PRPH2: variants seen among roughly 807,000 people sequenced by gnomAD.
PRPH2 encodes the protein peripherin-2.
Under a neutral mutation model 31.3 loss-of-function variants are expected in PRPH2, and 17 were observed. The observed-to-expected ratio is 0.54, with a 90% CI of 0.37 to 0.81. The LOEUF (loss-of-function observed/expected upper bound fraction) is 0.81. PRPH2 is among the 40% of genes least tolerant of loss of function. The pLI is 0.00. For missense variants in PRPH2, 430 were observed against 439.7 expected (o/e 0.98, Z 0.20); for synonymous variants, 165 against 184.4 (o/e 0.89, Z 0.85).
At chr6:42,719,481 A>T (rs949801283) in intron 1 of PRPH2, among the ~76,000 whole-genome samples, 1 of 151,164 alleles carries the variant, frequency 6.6e-6, no homozygotes, top group Non-Finnish European at 1.5e-5. Flanking sequence ...GCTTCAGTGG[A>T]CTTCTTATGC....
At chr6:42,714,468 A>G (rs1276004881) in intron 1 of PRPH2, among the ~76,000 whole-genome samples, 4 of 152,294 alleles carry the variant, frequency 2.6e-5, no homozygotes, top group Middle Eastern at 6.8e-3. Flanking sequence ...TGAATTGCAT[A>G]CTTTTAATGG....
chr6:42,710,776 C>T, intron 1 of PRPH2, among the ~76,000 whole-genome samples: 1 of 152,148 alleles, frequency 6.6e-6, no homozygotes, highest in East Asian at 1.9e-4. Flanking sequence ...GAAAAACCAA[C>T]ATAATTTAGT....
rs192307150 is a variant in PRPH2 at position 42,697,975 on chromosome 6, G to A, written c.*320C>T. The A allele has an allele frequency of 4.5e-5, 17 of 373,888 alleles. No individual in the cohort carries two copies. The highest frequency in any genetic ancestry group is 1.2e-4 in the East Asian group (2 of 17,380). 23.2% of individuals were successfully genotyped at this position (373,888 alleles called of 1,614,324 possible). ...GTGGCCATAGGGTGGGACTAAATCC[G>A]TGTGAGAAAGATGGGTCCTGGGCTA... On this transcript the variant is annotated 3_prime_UTR_variant, in exon 3 of 3. Coordinates refer to ENST00000230381, the MANE Select transcript of PRPH2 (RefSeq NM_000322.5).
Position 42,721,816 on chromosome 6 carries a change from G to A in PRPH2, c.519C>T (p.Asp173=). The change falls in exon 1 of 3, where the codon GAC becomes GAT. Residue 173 remains aspartate (D), a synonymous_variant. Coordinates refer to ENST00000230381, the MANE Select transcript of PRPH2 (RefSeq NM_000322.5). ...TGCTGATCCACTGAATCTCAAACCA[G>A]TCCCGAAAACCGTTGTTGCCGCAGC... The part of the protein sequence containing the change: ...FKCCGNNGFR[D]WFEIQWISNR... 4 of 1,614,198 alleles carry A rather than the reference G, an allele frequency of 2.5e-6. No homozygotes were observed. The South Asian group carries it at 4.4e-5, about 18-fold the overall frequency.
Position 42,722,083 on chromosome 6 carries a change from G to A in PRPH2, c.252C>T (p.Asp84=), listed in dbSNP as rs139936445. The change falls in exon 1 of 3, where the codon GAC becomes GAT. Residue 84 remains aspartate, a synonymous_variant. Transcript: ENST00000230381. This position sits in a 1 kb window ranked among gnomAD's most constrained non-coding sequence, Gnocchi z 4.4. The part of the protein sequence containing the change: ...FNSLAGKICY[D]ALDPAKYARW... ...TGGCATACTTGGCTGGGTCCAGGGC[G>A]TCGTAGCAGATCTTCCCAGCCAGCG... 208 of 1,614,174 alleles carry A rather than the reference G, an allele frequency of 1.3e-4. No individual in the cohort carries two copies. Among genetic ancestry groups the A allele is most frequent in the Admixed American group, 2.3e-4 (14 of 60,014 alleles).
chr6:42,698,768 C>A lies in PRPH2; in HGVS notation c.829-261G>T, dbSNP rs415906. Among the ~76,000 whole-genome samples the A allele has an allele frequency of 0.77, 117,394 of 151,784 alleles. 45,487 individuals carry two copies. The highest frequency in any genetic ancestry group is 0.86 in the East Asian group (4,385 of 5,118). The stretch of plus-strand genomic sequence containing the variant: ...GCTGCTTCGGATTCGCCCATGCCCC[C>A]TACTTTCTCCCCTCTAGGTCTTTAC... On this transcript the variant is annotated intron_variant, in intron 2 of 2. Coordinates refer to ENST00000230381, the MANE Select transcript of PRPH2 (RefSeq NM_000322.5).
intron 1 of PRPH2, among the ~76,000 whole-genome samples, chr6:42,705,472 C>G (rs1429650781): frequency 6.7e-6 from 1 of 149,306 alleles, no homozygotes; most frequent in Non-Finnish European, 1.5e-5. Flanking sequence ...TCTGTAATCC[C>G]AGCACTTTGT....
At chr6:42,711,859 A>G (rs1761650525) in intron 1 of PRPH2, 1 of 985,242 alleles carries the variant, frequency 1.0e-6, no homozygotes, top group Non-Finnish European at 1.2e-6. Flanking sequence ...CCTGGCTGGT[A>G]GTTCCTGGTT....
intron 2 of PRPH2, among the ~76,000 whole-genome samples, chr6:42,701,234 C>T: frequency 6.6e-6 from 1 of 152,070 alleles, no homozygotes; most frequent in Admixed American, 6.6e-5. Flanking sequence ...AAGCAATTCT[C>T]CTGCCTCAGC....
chr6:42,722,200 G>T lies in PRPH2; in HGVS notation c.135C>A (p.Leu45=). 1.9e-6 allele frequency: 3 copies of T among 1,614,168 alleles called. No homozygotes were observed. The highest frequency in any genetic ancestry group is 2.5e-6 in the Non-Finnish European group (3 of 1,180,044). The change falls in exon 1 of 3, where the codon CTC becomes CTA. Residue 45 remains leucine, a synonymous_variant. Transcript: ENST00000230381. This position sits in a 1 kb window ranked among gnomAD's most constrained non-coding sequence, Gnocchi z 4.4. ...TATTCATCACATCGCTCCTCTTTCG[G>T]AGTTCAATCTTCAGGAACAGTCCTA... ...FSLGLFLKIE[L]RKRSDVMNNS... is the part of the protein sequence containing the mutation.
Position 42,698,205 on chromosome 6 carries a change from T to A in PRPH2, c.*90A>T. On this transcript the variant is annotated 3_prime_UTR_variant, in exon 3 of 3. Transcript: ENST00000230381. ...TAAGATGGTGCCCTCCTTGGGAGAT[T>A]CAGACTTTCGGAGTTGGATGAGGGG... is the stretch of plus-strand genomic sequence containing the variant. 1 of 1,561,680 alleles carries A rather than the reference T, an allele frequency of 6.4e-7. No individual in the cohort carries two copies. Among genetic ancestry groups the A allele is most frequent in the Non-Finnish European group, 8.7e-7 (1 of 1,145,612 alleles).
Position 42,697,780 on chromosome 6 carries a change from A to T in PRPH2, c.*515T>A, listed in dbSNP as rs1799972208. On this transcript the variant is annotated 3_prime_UTR_variant, in exon 3 of 3. Transcript: ENST00000230381. ...AACTTTCCCCCAACTTCTGGCATTA[A>T]GCAAACGGCCAACCTGTCAATCTTG... The T allele has an allele frequency of 6.5e-6, 1 of 153,896 alleles. No homozygotes were observed. Among genetic ancestry groups the T allele is most frequent in the African/African-American group, 2.4e-5 (1 of 41,356 alleles). 9.5% of individuals were successfully genotyped at this position (153,896 alleles called of 1,614,324 possible). A position where few individuals can be genotyped will look rare whatever the true frequency, so the allele number is the denominator to read the frequency against.
In PRPH2 at chr6:42,722,219, A is replaced by G. The variant is rs2152011095; in HGVS notation, c.116T>C (p.Leu39Pro). 1 of 1,614,188 alleles carries G rather than the reference A, an allele frequency of 6.2e-7. No homozygotes were observed. Among genetic ancestry groups the G allele is most frequent in the Non-Finnish European group, 8.5e-7 (1 of 1,180,036 alleles). ...CTTTCGGAGTTCAATCTTCAGGAAC[A>G]GTCCTAGGCTGAAGATGATGATGCC... ...LAGIIIFSLGLFLKIELRKRS... is the reference protein window; with the variant it reads ...LAGIIIFSLGPFLKIELRKRS... The change falls in exon 1 of 3, where the codon CTG becomes CCG. Residue 39 changes from leucine (L) to proline (P), a missense_variant. Physicochemically the swap from Leu to Pro is moderately conservative, Grantham distance 98. Coordinates refer to ENST00000230381, the MANE Select transcript of PRPH2 (RefSeq NM_000322.5). This position sits in a 1 kb window ranked among gnomAD's most constrained non-coding sequence, Gnocchi z 4.4.
rs574930074 is a variant in PRPH2, at chr6:42,697,063, G to C, written c.*1232C>G. The C allele has an allele frequency of 6.6e-6, 1 of 152,030 alleles. No homozygotes were observed. The highest frequency in any genetic ancestry group is 6.6e-5 in the Admixed American group (1 of 15,256). The allele number at this position is 152,030 out of a possible 1,614,324, so 9.4% of individuals were successfully genotyped here. ...CCTCGGTCTCCAGCCAGGTAGGAAC[G>C]AGCTCTCTTGAATGTTCATCCAACT... is the stretch of plus-strand genomic sequence containing the variant. On this transcript the variant is annotated 3_prime_UTR_variant, in exon 3 of 3. Transcript: ENST00000230381.
At chr6:42,719,169 T>C (rs904286779) in intron 1 of PRPH2, among the ~76,000 whole-genome samples, 1 of 24,738 alleles carries the variant, frequency 4.0e-5, no homozygotes, top group Non-Finnish European at 8.2e-5. Context: ...TGGACTTCCT[T>C]TTTTTTTTTT....
At chr6:42,700,199 C>T (rs1205961305) in intron 2 of PRPH2, among the ~76,000 whole-genome samples, 2 of 152,234 alleles carry the variant, frequency 1.3e-5, no homozygotes, top group Non-Finnish European at 2.9e-5. Context: ...CTCCTGACCT[C>T]AGGTGATCTG....
At position 42,697,298 on chromosome 6, in the gene PRPH2, G is replaced by C. The variant is rs911367900; in HGVS notation, c.*997C>G. On this transcript the variant is annotated 3_prime_UTR_variant, in exon 3 of 3. Coordinates refer to ENST00000230381, the MANE Select transcript of PRPH2 (RefSeq NM_000322.5). ...TGTTTTTCAAGATGGGTATCTGGGG[G>C]GAAGAAACGGAAGAAGCTCCCAGAG... 6.6e-6 allele frequency: 1 copy of C among 152,206 alleles called. No homozygotes were observed. The highest frequency in any genetic ancestry group is 2.4e-5 in the African/African-American group (1 of 41,440). The allele number at this position is 152,206 out of a possible 1,614,324, so 9.4% of individuals were successfully genotyped here.
chr6:42,714,542 G>A (rs1761736007), intron 1 of PRPH2, among the ~76,000 whole-genome samples: 1 of 151,942 alleles, frequency 6.6e-6, no homozygotes, highest in South Asian at 2.1e-4. Context: ...TTTGAGACAG[G>A]GTCTCACTCT....
chr6:42,713,579 C>T (rs1761717502), intron 1 of PRPH2, among the ~76,000 whole-genome samples: 1 of 152,132 alleles, frequency 6.6e-6, no homozygotes, highest in African/African-American at 2.4e-5. Flanking sequence ...TGCATCATCT[C>T]TGCCCACCCC....
Sources: gnomAD v4.1 joint callset for allele counts (sites outside exome capture counted in the v4.1 genomes callset) on GRCh38, gnomAD v4.1.1 for gene constraint, Gnocchi (gnomAD v3.1) non-coding constraint, MANE v1.5 for transcripts, NCBI Gene and HGNC (gene_info 2026-07-23, HGNC 2026-07-21) for gene names.